TRIM58: variants seen among roughly 807,000 people sequenced by gnomAD.
TRIM58 encodes tripartite motif containing 58, also known as E3 ubiquitin-protein ligase TRIM58.
TRIM58 carries 38 observed loss-of-function variants against 34.1 expected under a neutral mutation model. The ratio of observed to expected loss-of-function variants is 1.12; its 90% confidence interval spans 0.86 to 1.46. TRIM58 has a LOEUF of 1.46. Among genes scored for constraint, TRIM58 ranks in the 40% most tolerant of loss-of-function variants. The probability of loss-of-function intolerance (pLI) is 0.00; values close to 1 mark genes in which losing one functional copy is unlikely to be tolerated. For missense variants in TRIM58, 677 were observed against 642.0 expected (o/e 1.05, Z -0.59); for synonymous variants, 273 against 275.7 (o/e 0.99, Z 0.10).
Position 247,875,983 on chromosome 1 carries a change from T to C in TRIM58, c.955T>C (p.Trp319Arg), listed in dbSNP as rs1373270231. Residue 319 changes from tryptophan to arginine, a missense_variant, in exon 6 of 6, where the codon TGG becomes CGG. Transcript: ENST00000366481. ...GCGCAGTGTGCAGGATGGAGAACCA[T>C]GGAGGGATGTCCCCAACAACCCTGA... Reference protein sequence around the residue: ...DLRSVQDGEPWRDVPNNPERF... With the variant: ...DLRSVQDGEPRRDVPNNPERF... The C allele has an allele frequency of 6.2e-7, 1 of 1,614,026 alleles. No homozygotes were observed. Among genetic ancestry groups the C allele is most frequent in the Non-Finnish European group, 8.5e-7 (1 of 1,180,028 alleles).
intron 3 of TRIM58, among the ~76,000 whole-genome samples, chr1:247,866,343 AT>A (rs1210884892): frequency 1.7e-4 from 25 of 146,824 alleles, no homozygotes; most frequent in East Asian, 4.0e-4. Flanking sequence ...CACCTGGCTA[AT>A]TTTTTTTTTT....
In TRIM58 at chr1:247,876,436, G is replaced by T; in HGVS notation, c.1408G>T (p.Ala470Ser). ...PTTIAGSGNWASRDHLDPASD... is the reference protein window; with the variant it reads ...PTTIAGSGNWSSRDHLDPASD... ...AACAATAGCAGGGTCAGGAAATTGGGCATCCAGGGATCATTTAGATCCTGC... is the reference window on the plus strand; with the variant it reads ...AACAATAGCAGGGTCAGGAAATTGGTCATCCAGGGATCATTTAGATCCTGC... The change falls in exon 6 of 6, where the codon GCA becomes TCA. Residue 470 changes from alanine (A) to serine (S), a missense_variant. Coordinates refer to ENST00000366481, the MANE Select transcript of TRIM58 (RefSeq NM_015431.4). 2.5e-6 allele frequency: 4 copies of T among 1,614,156 alleles called. No individual in the cohort carries two copies. Among genetic ancestry groups the T allele is most frequent in the South Asian group, 1.1e-5 (1 of 91,082 alleles).
intron 5 of TRIM58, among the ~76,000 whole-genome samples, chr1:247,872,378 CT>C (rs1389806412): frequency 2.0e-5 from 3 of 152,102 alleles, no homozygotes; most frequent in African/African-American, 7.2e-5. Flanking sequence ...TTGTTATATA[CT>C]GAAGGCAGAG....
In TRIM58 at chr1:247,860,700, T is replaced by G. The variant is rs200832458; in HGVS notation, c.504T>G (p.Thr168=). ...LTQEANVGKK[T]VIWKEKVEMQ... Reference sequence around the variant, plus strand: ...AGGAGGCCAACGTGGGGAAAAAGACTGTCATTTGGAAGGTAAGACCATGTT... The same window carrying G: ...AGGAGGCCAACGTGGGGAAAAAGACGGTCATTTGGAAGGTAAGACCATGTT... The change falls in exon 2 of 6, where the codon ACT becomes ACG. Residue 168 remains threonine, a synonymous_variant. Transcript: ENST00000366481. The G allele has an allele frequency of 6.2e-7, 1 of 1,613,332 alleles. No individual in the cohort carries two copies. Among genetic ancestry groups the G allele is most frequent in the Admixed American group, 1.7e-5 (1 of 59,996 alleles).
intron 5 of TRIM58, among the ~76,000 whole-genome samples, chr1:247,875,351 TC>T (rs1659258007): frequency 1.3e-5 from 2 of 152,174 alleles, no homozygotes; most frequent in Non-Finnish European, 2.9e-5. Flanking sequence ...CAGAAGATCC[TC>T]CTAAGTGCAC....
At chr1:247,864,115 A>C (rs1663861206) in intron 2 of TRIM58, among the ~76,000 whole-genome samples, 1 of 152,036 alleles carries the variant, frequency 6.6e-6, no homozygotes. Context: ...AGTTTAATAG[A>C]TATTTAGCTG....
chr1:247,857,419 C>G lies in TRIM58; in HGVS notation c.173C>G (p.Pro58Arg). 1 of 1,496,458 alleles carries G rather than the reference C, an allele frequency of 6.7e-7. No individual in the cohort carries two copies. Among genetic ancestry groups the G allele is most frequent in the East Asian group, 2.8e-5 (1 of 36,208 alleles). 92.7% of individuals were successfully genotyped at this position (1,496,458 alleles called of 1,614,324 possible). The stretch of plus-strand genomic sequence containing the variant: ...GCGCAGGGCGGCGTCTACGCCTGTC[C>G]GCAGTGCCGGGGCCCCTTCCGGCCC... ...DGAQGGVYAC[P>R]QCRGPFRPSG... The change falls in exon 1 of 6, where the codon CCG becomes CGG. Residue 58 changes from proline to arginine, a missense_variant. By Grantham distance (103) the Pro-to-Arg change is moderately radical. Transcript: ENST00000366481.
chr1:247,876,180 GT>G lies in TRIM58; in HGVS notation c.1153del (p.Trp385GlyfsTer3). The G allele has an allele frequency of 6.2e-7, 1 of 1,614,238 alleles. No homozygotes were observed. The highest frequency in any genetic ancestry group is 8.5e-7 in the Non-Finnish European group (1 of 1,180,040). On this transcript the variant is annotated frameshift_variant, in exon 6 of 6. Coordinates refer to ENST00000366481, the MANE Select transcript of TRIM58 (RefSeq NM_015431.4). LOFTEE classifies it low-confidence loss of function (END_TRUNC). Reference sequence around the variant, plus strand: ...CTCCTGAGAATGGGGTCTGGGCCCTGTGGCTGCTGAAAGGGAATGAGTACAT... The same window carrying G: ...CTCCTGAGAATGGGGTCTGGGCCCTGGGCTGCTGAAAGGGAATGAGTACAT... ...PSPENGVWAL[W>X]LLKGNEYMVL...
Position 247,879,211 on chromosome 1 carries a change from T to C in TRIM58, c.*2722T>C, listed in dbSNP as rs1164740953. On this transcript the variant is annotated 3_prime_UTR_variant, in exon 6 of 6. Coordinates refer to ENST00000366481, the MANE Select transcript of TRIM58 (RefSeq NM_015431.4). Reference sequence around the variant, plus strand: ...CTGGATGGCAACTCCATTCTTTTGATTGCTTAAGCCAGGCATCCGATTGAG... The same window carrying C: ...CTGGATGGCAACTCCATTCTTTTGACTGCTTAAGCCAGGCATCCGATTGAG... Among the ~76,000 whole-genome samples the C allele has an allele frequency of 6.6e-6, 1 of 152,218 alleles. No individual in the cohort carries two copies. Among genetic ancestry groups the C allele is most frequent in the Non-Finnish European group, 1.5e-5 (1 of 68,030 alleles).
rs377369427 is a variant in TRIM58 at position 247,864,788 on chromosome 1, G to A, written c.600G>A (p.Gln200=). ...RGFLAQEEQR[Q]LRRLEAEERA... is the part of the protein sequence containing the mutation. Reference sequence around the variant, plus strand: ...TTCTGGCCCAGGAGGAGCAACGGCAGCTGAGGCGGCTGGAGGCGGAGGAGC... The same window carrying A: ...TTCTGGCCCAGGAGGAGCAACGGCAACTGAGGCGGCTGGAGGCGGAGGAGC... Residue 200 remains glutamine (Q), a synonymous_variant, in exon 3 of 6, where the codon CAG becomes CAA. Coordinates refer to ENST00000366481, the MANE Select transcript of TRIM58 (RefSeq NM_015431.4). 6.8e-5 allele frequency: 109 copies of A among 1,614,024 alleles called. No individual in the cohort carries two copies. The highest frequency in any genetic ancestry group is 8.5e-5 in the Non-Finnish European group (100 of 1,180,052).
chr1:247,858,597 CCCTT>C (rs1219602152), intron 1 of TRIM58, among the ~76,000 whole-genome samples: 3 of 150,746 alleles, frequency 2.0e-5, no homozygotes, highest in Non-Finnish European at 4.4e-5. Context: ...GGATATTTTC[CCCTT>C]CCTTCTCTAC....
rs764082718 is a variant in TRIM58 at position 247,857,337 on chromosome 1, T to G, written c.91T>G (p.Cys31Gly). 1 of 1,491,106 alleles carries G rather than the reference T, an allele frequency of 6.7e-7. No homozygotes were observed. Among genetic ancestry groups the G allele is most frequent in the East Asian group, 2.7e-5 (1 of 36,594 alleles). The allele number at this position is 1,491,106 out of a possible 1,614,324, so 92.4% of individuals were successfully genotyped here. A position where few individuals can be genotyped will look rare whatever the true frequency, so the allele number is the denominator to read the frequency against. The change falls in exon 1 of 6, where the codon TGC (cysteine) becomes GGC (glycine). Residue 31 changes from cysteine (C) to glycine (G), a missense_variant. Cys to Gly is a radical substitution (Grantham distance 159). Transcript: ENST00000366481. ...CCTGCAGGAGCCGGTCAGCGTGGAC[T>G]GCGGCCACAGCTTCTGCCTCAGGTG... ...DFLQEPVSVD[C>G]GHSFCLRCIS...
intron 5 of TRIM58, among the ~76,000 whole-genome samples, chr1:247,868,585 C>A (rs1023578625): frequency 1.3e-5 from 2 of 152,126 alleles, no homozygotes; most frequent in African/African-American, 4.8e-5. Context: ...GGGCTTTGTC[C>A]CACAAGACTG....
At chr1:247,858,302 G>C (rs1202464620) in intron 1 of TRIM58, among the ~76,000 whole-genome samples, 1 of 152,152 alleles carries the variant, frequency 6.6e-6, no homozygotes, top group Non-Finnish European at 1.5e-5. Context: ...AGCCCGGGAA[G>C]CTTCAAAGAG....
intron 1 of TRIM58, 21 bp downstream of exon 1, chr1:247,857,687 G>A: frequency 8.2e-7 from 1 of 1,220,456 alleles, no homozygotes; most frequent in Non-Finnish European, 1.0e-6. Flanking sequence ...CCCCGGCGGG[G>A]GCTGCGGGCG....
chr1:247,864,197 T>G (rs1243265107), intron 2 of TRIM58, among the ~76,000 whole-genome samples: 1 of 152,182 alleles, frequency 6.6e-6, no homozygotes, highest in Non-Finnish European at 1.5e-5. Flanking sequence ...CAGGCTGAAG[T>G]GCAGTGGTGC....
At chr1:247,863,078 G>T (rs1434619407) in intron 2 of TRIM58, among the ~76,000 whole-genome samples, 1 of 152,194 alleles carries the variant, frequency 6.6e-6, no homozygotes, top group East Asian at 1.9e-4. Context: ...TTCAGACTTG[G>T]CTGATTTCAG....
At chr1:247,867,062 T>G (rs1663947288) in intron 3 of TRIM58, among the ~76,000 whole-genome samples, 1 of 152,210 alleles carries the variant, frequency 6.6e-6, no homozygotes, top group Non-Finnish European at 1.5e-5. Context: ...TAATCTACTT[T>G]GAGAAAATAA....
chr1:247,874,085 C>T lies in TRIM58; in HGVS notation c.872-1815C>T, dbSNP rs1659217567. On this transcript the variant is annotated intron_variant, in intron 5 of 5. Coordinates refer to ENST00000366481, the MANE Select transcript of TRIM58 (RefSeq NM_015431.4). ...ATTTGTTCTGATATTAAAAATCAAA[C>T]TATATTAACATGTTAGTCTGATTTT... Among the ~76,000 whole-genome samples the T allele has an allele frequency of 2.0e-5, 3 of 152,232 alleles. No homozygotes were observed. The South Asian group carries it at 6.2e-4, about 32-fold the overall frequency.
Sources: gnomAD v4.1 joint callset for allele counts (sites outside exome capture counted in the v4.1 genomes callset) on GRCh38, gnomAD v4.1.1 for gene constraint, MANE v1.5 for transcripts, NCBI Gene and HGNC (gene_info 2026-07-23, HGNC 2026-07-21) for gene names.